Variants in KMT2C observed in about 807,000 individuals in gnomAD.
KMT2C encodes the protein histone-lysine N-methyltransferase 2C.
KMT2C carries 88 observed loss-of-function variants against 507.9 expected under a neutral mutation model. That is an observed-to-expected ratio of 0.17 (90% CI 0.15 to 0.21). The LOEUF (loss-of-function observed/expected upper bound fraction) is 0.21, where lower values mean the gene tolerates loss of function less well. Ranked by LOEUF, KMT2C falls within the 10% of genes least tolerant of loss-of-function variation. The pLI, the probability that KMT2C is intolerant of heterozygous loss-of-function variation, is 1.00. For synonymous variants in KMT2C, 2,049 were observed against 2,080.8 expected, an observed-to-expected ratio of 0.98 and a Z score of 0.42; for missense variants, 4,954 against 5,957.8, an observed-to-expected ratio of 0.83 and a Z score of 5.55.
chr7:152,171,490 T>A (rs2092961180), intron 39 of KMT2C, 148 bp from the exon 40 acceptor site: 2 of 547,356 alleles, frequency 3.7e-6, no homozygotes, highest in Non-Finnish European at 6.4e-6. Flanking sequence ...AAGCCCTACC[T>A]TTCATGTACT....
chr7:152,223,909 C>T (rs1241235939), intron 20 of KMT2C, 106 bp downstream of exon 20: 15 of 841,122 alleles, frequency 1.8e-5, no homozygotes, highest in Admixed American at 5.7e-5. Flanking sequence ...GCAAAAAGTT[C>T]TGTACCTAAA....
At chr7:152,169,996 GTTGTCA>G (rs2129107546) in intron 40 of KMT2C, among the ~76,000 whole-genome samples, 1 of 152,250 alleles carries the variant, frequency 6.6e-6, no homozygotes, top group Admixed American at 6.5e-5. Flanking sequence ...TGTTTATCCA[GTTGTCA>G]CAAGTTCTCC....
At chr7:152,368,374 G>GA in intron 1 of KMT2C, 1 of 1,107,918 alleles carries the variant, frequency 9.0e-7, no homozygotes, top group South Asian at 1.3e-5. Flanking sequence ...AATGGAAGAA[G>GA]AAAGAAGGGA....
At chr7:152,359,452 T>G (rs2097178296) in intron 1 of KMT2C, among the ~76,000 whole-genome samples, 1 of 152,142 alleles carries the variant, frequency 6.6e-6, no homozygotes, top group Non-Finnish European at 1.5e-5. Context: ...GTGTTTTAAA[T>G]TATTTCGCAG....
intron 4 of KMT2C, among the ~76,000 whole-genome samples, chr7:152,314,243 G>A (rs2096702229): frequency 6.6e-6 from 1 of 152,104 alleles, no homozygotes; most frequent in South Asian, 2.1e-4. Context: ...AATCAAATAA[G>A]TACAACACAA....
At chr7:152,263,994 C>G (rs1454186726) in intron 8 of KMT2C, among the ~76,000 whole-genome samples, 1 of 152,114 alleles carries the variant, frequency 6.6e-6, no homozygotes, top group Non-Finnish European at 1.5e-5. Flanking sequence ...CAGTTAGCCT[C>G]CAATTATTAT....
At chr7:152,290,544 G>C (rs929628190) in intron 6 of KMT2C, among the ~76,000 whole-genome samples, 5 of 150,934 alleles carry the variant, frequency 3.3e-5, no homozygotes, top group African/African-American at 1.2e-4. Context: ...TCCTGACCTC[G>C]TGATCCACCC....
chr7:152,415,255 T>C (rs1450559727), intron 1 of KMT2C, among the ~76,000 whole-genome samples: 5 of 152,198 alleles, frequency 3.3e-5, no homozygotes, highest in Non-Finnish European at 5.9e-5. Context: ...ATTAATTAGA[T>C]AGGAAATAGG....
intron 1 of KMT2C, among the ~76,000 whole-genome samples, chr7:152,430,197 A>C (rs1385797418): frequency 6.6e-6 from 1 of 152,052 alleles, no homozygotes; most frequent in Non-Finnish European, 1.5e-5. Context: ...AAAAAAAAAA[A>C]AACAGAAATC....
At chr7:152,346,548 G>GA (rs1024121088) in intron 2 of KMT2C, among the ~76,000 whole-genome samples, 1 of 151,934 alleles carries the variant, frequency 6.6e-6, no homozygotes, top group African/African-American at 2.4e-5. Context: ...AAAATAAAAA[G>GA]AAAATTTGTG....
At chr7:152,185,357 C>G (rs1231057429) in intron 34 of KMT2C, among the ~76,000 whole-genome samples, 2 of 152,102 alleles carry the variant, frequency 1.3e-5, no homozygotes, top group Non-Finnish European at 2.9e-5. Flanking sequence ...CGTTTTGGTT[C>G]TATTAACTTG....
intron 1 of KMT2C, among the ~76,000 whole-genome samples, chr7:152,371,960 T>C (rs2097296556): frequency 6.6e-6 from 1 of 151,034 alleles, no homozygotes; most frequent in South Asian, 2.1e-4. Context: ...GCCTACAAGA[T>C]ACATGAAACA....
chr7:152,242,816 G>A (rs2095409657), intron 14 of KMT2C, among the ~76,000 whole-genome samples: 1 of 152,130 alleles, frequency 6.6e-6, no homozygotes, highest in Non-Finnish European at 1.5e-5. Context: ...AGTTTTAAAA[G>A]CAGCCAGAGA....
intron 41 of KMT2C, 141 bp from the exon 42 acceptor site, chr7:152,167,519 G>A (rs17173357): frequency 0.01 from 6,049 of 593,292 alleles, 274 homozygotes; most frequent in African/African-American, 0.1. Flanking sequence ...AATATTAGAC[G>A]ATTATGTAAT....
chr7:152,166,986 A>C (rs1421231380), intron 42 of KMT2C, among the ~76,000 whole-genome samples, 160 bp downstream of exon 42: 1 of 152,204 alleles, frequency 6.6e-6, no homozygotes, highest in Non-Finnish European at 1.5e-5. Context: ...GGCTGCAGTT[A>C]CTAAGAGGTC....
intron 23 of KMT2C, 32 bp downstream of exon 23, chr7:152,220,491 C>T (rs780222069): frequency 6.8e-7 from 1 of 1,470,972 alleles, no homozygotes; most frequent in Admixed American, 1.7e-5. Flanking sequence ...AATTCTTGCA[C>T]ACATATTTCA....
chr7:152,351,072 A>G (rs896911790), intron 2 of KMT2C, among the ~76,000 whole-genome samples: 72 of 152,314 alleles, frequency 4.7e-4, no homozygotes, highest in Non-Finnish European at 9.4e-4. Context: ...TTCAGCGACA[A>G]TAACACACAA....
intron 2 of KMT2C, among the ~76,000 whole-genome samples, chr7:152,355,543 G>GA (rs1182809321): frequency 9.3e-5 from 14 of 150,108 alleles, no homozygotes; most frequent in Non-Finnish European, 3.0e-5. Context: ...GAAGGAGTAG[G>GA]AAAAAACAAA....
At chr7:152,234,089 C>T (rs1226362494) in intron 16 of KMT2C, among the ~76,000 whole-genome samples, 1 of 151,764 alleles carries the variant, frequency 6.6e-6, no homozygotes, top group Non-Finnish European at 1.5e-5. Flanking sequence ...GAGCAGAGAT[C>T]ACGCCACTGC....
Sources: allele counts gnomAD v4.1 joint callset (sites outside exome capture counted in the v4.1 genomes callset), GRCh38; gene constraint gnomAD v4.1.1; transcripts MANE v1.5; gene names NCBI Gene and HGNC (gene_info 2026-07-23, HGNC 2026-07-21).